DLGAP2: variants seen among roughly 807,000 people sequenced by gnomAD.
DLGAP2 encodes DLG associated protein 2, also known as disks large-associated protein 2.
DLGAP2 carries 26 observed loss-of-function variants against 100.3 expected under a neutral mutation model. The observed-to-expected ratio is 0.26, with a 90% CI of 0.19 to 0.36. The LOEUF is 0.36. DLGAP2 is among the 10% of genes least tolerant of loss of function. DLGAP2 has a pLI of 1.00. For missense variants in DLGAP2, 1,858 were observed against 1,453.2 expected (o/e 1.28, Z -4.53); for synonymous variants, 886 against 630.1 (o/e 1.41, Z -6.08).
intron 2 of DLGAP2, among the ~76,000 whole-genome samples, chr8:1,103,754 G>A (rs1804663368): frequency 7.1e-6 from 1 of 141,594 alleles, no homozygotes; most frequent in Non-Finnish European, 1.5e-5. Flanking sequence ...TGACGGTGAT[G>A]ACTGGCGGGG....
At chr8:1,553,402 C>T (rs930422190) in intron 5 of DLGAP2, among the ~76,000 whole-genome samples, 1 of 152,188 alleles carries the variant, frequency 6.6e-6, no homozygotes, top group African/African-American at 2.4e-5. Flanking sequence ...TCACGGGCAG[C>T]AGCCCCATTT....
chr8:924,939 A>G (rs565278581), intron 2 of DLGAP2, among the ~76,000 whole-genome samples: 1 of 152,108 alleles, frequency 6.6e-6, no homozygotes, highest in Non-Finnish European at 1.5e-5. Flanking sequence ...CTTGCTATTA[A>G]TATATTGATA....
At chr8:772,022 C>G (rs1192920657) in intron 1 of DLGAP2, among the ~76,000 whole-genome samples, 3 of 152,098 alleles carry the variant, frequency 2.0e-5, no homozygotes. Flanking sequence ...CTTGCCTCAG[C>G]CTCTCGAGTA....
chr8:1,698,076 G>A (rs558695863), intron 14 of DLGAP2, among the ~76,000 whole-genome samples: 21 of 152,348 alleles, frequency 1.4e-4, no homozygotes, highest in Admixed American at 7.8e-4. Context: ...CAGCAAGGAT[G>A]CACACCTGGG....
chr8:937,674 T>C (rs1799102468), intron 2 of DLGAP2, among the ~76,000 whole-genome samples: 2 of 152,168 alleles, frequency 1.3e-5, no homozygotes, highest in African/African-American at 4.8e-5. Flanking sequence ...CCCAACTGCC[T>C]CGCTGGGTGC....
At chr8:1,057,666 G>A (rs772979378) in intron 2 of DLGAP2, among the ~76,000 whole-genome samples, 17 of 152,178 alleles carry the variant, frequency 1.1e-4, no homozygotes, top group South Asian at 2.1e-4. Flanking sequence ...AAAACCTCCG[G>A]TGTAATTTTC....
intron 2 of DLGAP2, among the ~76,000 whole-genome samples, chr8:1,005,471 C>G (rs1205046548): frequency 6.9e-6 from 1 of 145,076 alleles, no homozygotes; most frequent in East Asian, 2.0e-4. Flanking sequence ...TGCAGTGGTG[C>G]AGTGACAGCT....
chr8:1,433,459 T>C (rs1181294084), intron 3 of DLGAP2, among the ~76,000 whole-genome samples: 1 of 152,202 alleles, frequency 6.6e-6, no homozygotes, highest in Non-Finnish European at 1.5e-5. Flanking sequence ...TTTGCAAAGG[T>C]GCTTGCTGCT....
chr8:1,085,242 C>G (rs1242597206), intron 2 of DLGAP2, among the ~76,000 whole-genome samples: 1 of 152,036 alleles, frequency 6.6e-6, no homozygotes, highest in Non-Finnish European at 1.5e-5. Flanking sequence ...TGTTTGAGTT[C>G]TTACATATTT....
At chr8:1,175,068 A>G (rs934509563) in intron 2 of DLGAP2, among the ~76,000 whole-genome samples, 2 of 152,334 alleles carry the variant, frequency 1.3e-5, no homozygotes, top group African/African-American at 4.8e-5. Context: ...TAGTTTTCCA[A>G]TAAAATTATT....
intron 2 of DLGAP2, among the ~76,000 whole-genome samples, chr8:1,009,809 G>T (rs1296247255): frequency 6.6e-6 from 1 of 152,220 alleles, no homozygotes; most frequent in Non-Finnish European, 1.5e-5. Context: ...GAGGAAGGAG[G>T]TGGTAATTTT....
chr8:985,366 T>C (rs1800456741), intron 2 of DLGAP2, among the ~76,000 whole-genome samples: 1 of 152,222 alleles, frequency 6.6e-6, no homozygotes, highest in Non-Finnish European at 1.5e-5. Flanking sequence ...GCAAGTTGCT[T>C]AATTCCTCAG....
intron 4 of DLGAP2, among the ~76,000 whole-genome samples, chr8:1,516,341 G>C (rs547951081): frequency 1.6e-4 from 24 of 151,838 alleles, no homozygotes; most frequent in African/African-American, 5.1e-4. Flanking sequence ...GTTCATGAAT[G>C]AGTGAGTGAA....
intron 2 of DLGAP2, among the ~76,000 whole-genome samples, chr8:1,195,239 A>G (rs935830): frequency 0.77 from 116,531 of 152,182 alleles, 45,050 homozygotes; most frequent in Middle Eastern, 0.85. Context: ...TGTCCAGGAC[A>G]GGCCTCCCAG....
chr8:1,283,126 T>C (rs1799852513), intron 3 of DLGAP2, among the ~76,000 whole-genome samples: 1 of 148,446 alleles, frequency 6.7e-6, no homozygotes, highest in Non-Finnish European at 1.5e-5. Flanking sequence ...CATCCGGACA[T>C]GGTGTGACCT....
At chr8:1,455,078 C>G (rs1798269780) in intron 3 of DLGAP2, among the ~76,000 whole-genome samples, 1 of 152,240 alleles carries the variant, frequency 6.6e-6, no homozygotes, top group Non-Finnish European at 1.5e-5. Flanking sequence ...GACACATCAT[C>G]AGCTCCTTGG....
chr8:1,135,503 G>GGTTTT (rs1554490362), intron 2 of DLGAP2, among the ~76,000 whole-genome samples: 11 of 92,238 alleles, frequency 1.2e-4, no homozygotes, highest in Non-Finnish European at 2.2e-4. Context: ...TTTTTTGTGG[G>GGTTTT]TTTTTTTTTT....
chr8:1,137,275 T>G (rs1353097429), intron 2 of DLGAP2: 2 of 152,586 alleles, frequency 1.3e-5, no homozygotes, highest in Non-Finnish European at 2.9e-5. Context: ...AAAACCTCAT[T>G]TAACCTGGAT....
rs1157837601 is a variant in DLGAP2 at position 1,351,234 on chromosome 8, C to T, written c.106+92351C>T. Among the ~76,000 whole-genome samples, 5 of 79,666 alleles carry T rather than the reference C, an allele frequency of 6.3e-5. 1 individual carries two copies. The highest frequency in any genetic ancestry group is 1.3e-4 in the Admixed American group (1 of 7,744). 52.3% of individuals were successfully genotyped at this position (79,666 alleles called of 152,430 possible). ...GGGTCCTGACTGTGTGTGGAAAGGC[C>T]GTGCGGGTCCTGACTGTGTGTGGAA... On this transcript the variant is annotated intron_variant, in intron 3 of 14. Transcript: ENST00000637795.
Sources: allele counts gnomAD v4.1 joint callset (sites outside exome capture counted in the v4.1 genomes callset), GRCh38; gene constraint gnomAD v4.1.1; transcripts MANE v1.5; gene names NCBI Gene and HGNC (gene_info 2026-07-23, HGNC 2026-07-21).